Variants in ARHGAP26 observed in about 807,000 individuals in gnomAD.
ARHGAP26 encodes the protein rho GTPase-activating protein 26.
Under a neutral mutation model 104.8 loss-of-function variants are expected in ARHGAP26, and 38 were observed. The observed-to-expected ratio is 0.36, with a 90% CI of 0.28 to 0.48. The LOEUF is 0.48. Ranked by LOEUF, ARHGAP26 falls within the 20% of genes least tolerant of loss-of-function variation. ARHGAP26 has a pLI of 0.99. For missense variants in ARHGAP26, 704 were observed against 947.9 expected, an observed-to-expected ratio of 0.74 and a Z score of 3.38; for synonymous variants, 341 against 340.0, an observed-to-expected ratio of 1.00 and a Z score of -0.03.
intron 17 of ARHGAP26, among the ~76,000 whole-genome samples, chr5:143,089,575 A>G (rs1427404206): frequency 6.6e-6 from 1 of 152,156 alleles, no homozygotes; most frequent in Non-Finnish European, 1.5e-5. Context: ...TGCTACTATC[A>G]TGTCTAAGGC....
chr5:143,057,228 A>G (rs1199398492), intron 16 of ARHGAP26, among the ~76,000 whole-genome samples: 3 of 152,190 alleles, frequency 2.0e-5, no homozygotes, highest in Non-Finnish European at 4.4e-5. Flanking sequence ...TTATTTTGAT[A>G]TTTGAAACCC....
intron 3 of ARHGAP26, among the ~76,000 whole-genome samples, chr5:142,876,435 A>G (rs1756104856): frequency 6.6e-6 from 1 of 152,148 alleles, no homozygotes; most frequent in African/African-American, 2.4e-5. Context: ...TTAATAAGTG[A>G]TACAGTCTGG....
intron 1 of ARHGAP26, among the ~76,000 whole-genome samples, chr5:142,835,255 G>C (rs1769322232): frequency 6.6e-6 from 1 of 152,156 alleles, no homozygotes; most frequent in African/African-American, 2.4e-5. Context: ...TCTGGACTTG[G>C]AATGGCTGTT....
At chr5:143,133,537 A>G (rs1032366395) in intron 18 of ARHGAP26, among the ~76,000 whole-genome samples, 1 of 152,218 alleles carries the variant, frequency 6.6e-6, no homozygotes. Context: ...AGTTTAAGAA[A>G]GTTGTGAAGT....
chr5:142,770,735 G>T lies in ARHGAP26; in HGVS notation c.-27G>T. 8.0e-7 allele frequency: 1 copy of T among 1,257,058 alleles called. No individual in the cohort carries two copies. The allele number at this position is 1,257,058 out of a possible 1,614,324, so 77.9% of individuals were successfully genotyped here. A position where few individuals can be genotyped will look rare whatever the true frequency, so the allele number is the denominator to read the frequency against. ...GCGGCCCGGGCCCCGGCGGAGGCGCGCCCCCCGGCTGGGCGCCGCGCGCAC... is the reference window on the plus strand; with the variant it reads ...GCGGCCCGGGCCCCGGCGGAGGCGCTCCCCCCGGCTGGGCGCCGCGCGCAC... On this transcript the variant is annotated 5_prime_UTR_variant, in exon 1 of 23. Transcript: ENST00000645722.
At chr5:142,834,260 G>C (rs988548119) in intron 1 of ARHGAP26, among the ~76,000 whole-genome samples, 60 of 152,266 alleles carry the variant, frequency 3.9e-4, no homozygotes, top group African/African-American at 1.4e-3. Context: ...TGGCAACCCA[G>C]GCCAAGCAAT....
chr5:143,173,019 A>G (rs1418622206), intron 20 of ARHGAP26: 2 of 179,746 alleles, frequency 1.1e-5, no homozygotes, highest in Non-Finnish European at 2.4e-5. Context: ...ACTGTTGGGA[A>G]GGTAGTATTC....
At chr5:143,155,279 C>T (rs1004316236) in intron 20 of ARHGAP26, among the ~76,000 whole-genome samples, 2 of 152,176 alleles carry the variant, frequency 1.3e-5, no homozygotes, top group Admixed American at 1.3e-4. Context: ...CCTCAGGCTC[C>T]TGGGCTGTGG....
intron 21 of ARHGAP26, among the ~76,000 whole-genome samples, chr5:143,211,009 A>G (rs1809376150): frequency 6.6e-6 from 1 of 152,084 alleles, no homozygotes. Context: ...TTTTTATTTT[A>G]TTTTTTTATC....
At chr5:143,029,408 T>G (rs1781549452) in intron 12 of ARHGAP26, among the ~76,000 whole-genome samples, 2 of 137,050 alleles carry the variant, frequency 1.5e-5, no homozygotes, top group African/African-American at 5.4e-5. Flanking sequence ...TTTTTTTTTT[T>G]TTTTTTTTTT....
At chr5:142,858,965 C>T (rs1597946449) in intron 1 of ARHGAP26, among the ~76,000 whole-genome samples, 1 of 152,108 alleles carries the variant, frequency 6.6e-6, no homozygotes, top group Non-Finnish European at 1.5e-5. Context: ...GATTGCGGCA[C>T]CTTTGATTAT....
intron 18 of ARHGAP26, among the ~76,000 whole-genome samples, chr5:143,122,020 G>A (rs1562465558): frequency 6.6e-6 from 1 of 152,174 alleles, no homozygotes; most frequent in East Asian, 1.9e-4. Flanking sequence ...TGATAATGTT[G>A]TAAGCCACCA....
Position 143,134,109 on chromosome 5 carries a change from A to G in ARHGAP26, c.1837+4A>G, listed in dbSNP as rs765179642. On this transcript the variant is annotated splice_donor_region_variant and intron_variant, in intron 19 of 22. Transcript: ENST00000645722. Reference sequence around the variant, plus strand: ...ACCGTTCAGTCAACAGAGAAACGTGAGTCTTTGCTGCATAGGGCCAGCGTG... The same window carrying G: ...ACCGTTCAGTCAACAGAGAAACGTGGGTCTTTGCTGCATAGGGCCAGCGTG... The G allele has an allele frequency of 2.3e-5, 37 of 1,608,416 alleles. No homozygotes were observed. Among genetic ancestry groups the G allele is most frequent in the Non-Finnish European group, 3.1e-5 (37 of 1,176,946 alleles).
chr5:143,152,664 A>G (rs1023936127), intron 20 of ARHGAP26, among the ~76,000 whole-genome samples: 2 of 152,226 alleles, frequency 1.3e-5, no homozygotes, highest in Non-Finnish European at 2.9e-5. Context: ...TTTGGCCAAT[A>G]GAATGTGGAG....
At chr5:143,019,298 A>G (rs915375381) in intron 12 of ARHGAP26, among the ~76,000 whole-genome samples, 6 of 152,048 alleles carry the variant, frequency 3.9e-5, no homozygotes, top group Non-Finnish European at 7.4e-5. Context: ...GGTCACTGCC[A>G]GTGTCAGTCA....
intron 1 of ARHGAP26, among the ~76,000 whole-genome samples, chr5:142,859,186 A>G (rs1752900413): frequency 6.6e-6 from 1 of 152,142 alleles, no homozygotes; most frequent in African/African-American, 2.4e-5. Context: ...TGGACTGGGA[A>G]GCATCAGGAG....
chr5:143,027,238 C>T (rs1190957075), intron 12 of ARHGAP26, among the ~76,000 whole-genome samples: 1 of 150,926 alleles, frequency 6.6e-6, no homozygotes, highest in Non-Finnish European at 1.5e-5. Flanking sequence ...GTGGTACAAT[C>T]TTGGCTCACT....
chr5:142,983,231 G>C (rs1161775144), intron 11 of ARHGAP26, among the ~76,000 whole-genome samples: 1 of 151,574 alleles, frequency 6.6e-6, no homozygotes, highest in African/African-American at 2.4e-5. Flanking sequence ...TTTTTGAGAT[G>C]GAGTCTCACT....
intron 20 of ARHGAP26, among the ~76,000 whole-genome samples, chr5:143,177,897 G>A (rs892662561): frequency 1.3e-5 from 2 of 151,520 alleles, no homozygotes; most frequent in East Asian, 3.9e-4. Flanking sequence ...CATGATGAGT[G>A]CAGGGCAACT....
Sources: gnomAD v4.1 joint callset for allele counts (sites outside exome capture counted in the v4.1 genomes callset) on GRCh38, gnomAD v4.1.1 for gene constraint, MANE v1.5 for transcripts, NCBI Gene and HGNC (gene_info 2026-07-23, HGNC 2026-07-21) for gene names.